LRMDA: variants seen among roughly 807,000 people sequenced by gnomAD.
LRMDA encodes leucine-rich melanocyte differentiation-associated protein.
In LRMDA, 18 loss-of-function variants were observed where a neutral mutation model predicts 29.8. That is an observed-to-expected ratio of 0.60 (90% CI 0.42 to 0.90). The LOEUF (loss-of-function observed/expected upper bound fraction) is 0.90, where lower values mean the gene tolerates loss of function less well. LRMDA is among the 40% of genes least tolerant of loss of function. The pLI, the probability that LRMDA is intolerant of heterozygous loss-of-function variation, is 0.00. For synonymous variants in LRMDA, 125 were observed against 109.4 expected (o/e 1.14, Z -0.89); for missense variants, 273 against 273.9 (o/e 1.00, Z 0.02).
At chr10:76,159,225 T>C (rs1403570094) in intron 5 of LRMDA, among the ~76,000 whole-genome samples, 4 of 152,198 alleles carry the variant, frequency 2.6e-5, no homozygotes, top group Non-Finnish European at 5.9e-5. Flanking sequence ...AGAGTTGTGC[T>C]TGGTGTATGG....
At chr10:76,250,260 T>C (rs1053465581) in intron 5 of LRMDA, among the ~76,000 whole-genome samples, 14 of 152,326 alleles carry the variant, frequency 9.2e-5, no homozygotes, top group African/African-American at 3.4e-4. Context: ...AGATGTATCC[T>C]GGAAAAAATT....
chr10:75,822,491 C>T (rs1252770477), intron 2 of LRMDA, among the ~76,000 whole-genome samples: 3 of 151,906 alleles, frequency 2.0e-5, no homozygotes, highest in Non-Finnish European at 4.4e-5. Flanking sequence ...CCAAAAAAAG[C>T]CTGAATAGCC....
At chr10:75,677,578 A>C (rs1344827086) in intron 2 of LRMDA, among the ~76,000 whole-genome samples, 2 of 152,180 alleles carry the variant, frequency 1.3e-5, no homozygotes. Context: ...ATGGGAACTG[A>C]AGACTTTTTA....
intron 5 of LRMDA, among the ~76,000 whole-genome samples, chr10:76,077,367 C>T (rs916818500): frequency 3.3e-5 from 5 of 152,180 alleles, no homozygotes; most frequent in Non-Finnish European, 7.4e-5. Flanking sequence ...AGCTGGAGAT[C>T]TTCAAGCTAT....
At chr10:75,763,304 TAGGTAAAGATAGAACTAC>T (rs919122363) in intron 2 of LRMDA, among the ~76,000 whole-genome samples, 52 of 152,274 alleles carry the variant, frequency 3.4e-4, no homozygotes, top group African/African-American at 1.2e-3. Context: ...AATATAAATG[TAGGTAAAGATAGAACTAC>T]AGGTATAATA....
intron 6 of LRMDA, among the ~76,000 whole-genome samples, chr10:76,347,631 G>GT (rs1841125298): frequency 1.3e-5 from 2 of 152,112 alleles, no homozygotes; most frequent in South Asian, 4.1e-4. Flanking sequence ...AAATCACCGA[G>GT]TGCAGCACTG....
At chr10:76,510,217 T>C (rs1842996441) in intron 6 of LRMDA, among the ~76,000 whole-genome samples, 1 of 152,002 alleles carries the variant, frequency 6.6e-6, no homozygotes, top group Admixed American at 6.6e-5. Context: ...ACTACAAGCG[T>C]GTGCCACCAC....
At chr10:75,531,797 G>A in intron 2 of LRMDA, among the ~76,000 whole-genome samples, 1 of 152,114 alleles carries the variant, frequency 6.6e-6, no homozygotes, top group South Asian at 2.1e-4. Flanking sequence ...AGTGATGCTA[G>A]GTGCGGTGGC....
At chr10:75,449,529 CTT>C (rs5786173) in intron 2 of LRMDA, among the ~76,000 whole-genome samples, 5 of 146,054 alleles carry the variant, frequency 3.4e-5, no homozygotes, top group South Asian at 2.2e-4. Context: ...AAGTTTCCTT[CTT>C]TTTTTTTTTT....
intron 2 of LRMDA, among the ~76,000 whole-genome samples, chr10:75,875,363 G>A (rs1251619816): frequency 6.6e-6 from 1 of 152,202 alleles, no homozygotes; most frequent in East Asian, 1.9e-4. Context: ...GTTTGGAGAA[G>A]GATGAGAGGC....
At chr10:75,549,509 T>A (rs1170389136) in intron 2 of LRMDA, among the ~76,000 whole-genome samples, 6 of 152,130 alleles carry the variant, frequency 3.9e-5, no homozygotes, top group Non-Finnish European at 8.8e-5. Flanking sequence ...TCTAGGTTAT[T>A]CACAGGCACA....
intron 5 of LRMDA, among the ~76,000 whole-genome samples, chr10:76,175,388 A>G (rs1447031427): frequency 6.6e-6 from 1 of 152,198 alleles, no homozygotes; most frequent in Non-Finnish European, 1.5e-5. Context: ...GTTGTGTTGT[A>G]GTGAAGTTCT....
intron 5 of LRMDA, among the ~76,000 whole-genome samples, chr10:76,070,034 G>A (rs1848850290): frequency 6.6e-6 from 1 of 152,176 alleles, no homozygotes; most frequent in Admixed American, 6.5e-5. Context: ...TCTACCTCCT[G>A]TTATTGGTTG....
chr10:75,457,676 A>G (rs1844536344), intron 2 of LRMDA, among the ~76,000 whole-genome samples: 1 of 152,204 alleles, frequency 6.6e-6, no homozygotes, highest in Non-Finnish European at 1.5e-5. Context: ...TTTATGGACC[A>G]CCAGTTTTTG....
chr10:76,395,219 A>T (rs1168544488), intron 6 of LRMDA, among the ~76,000 whole-genome samples: 2 of 152,320 alleles, frequency 1.3e-5, no homozygotes, highest in East Asian at 1.9e-4. Context: ...CCATATTTCT[A>T]GTCCTCCCTC....
intron 2 of LRMDA, among the ~76,000 whole-genome samples, chr10:75,549,693 A>G (rs1286606262): frequency 6.6e-6 from 1 of 152,182 alleles, no homozygotes; most frequent in Non-Finnish European, 1.5e-5. Context: ...AAGTGCACAG[A>G]TGATTTTTGA....
At chr10:75,938,915 C>T (rs966309057) in intron 2 of LRMDA, among the ~76,000 whole-genome samples, 14 of 152,166 alleles carry the variant, frequency 9.2e-5, no homozygotes, top group African/African-American at 3.4e-4. Flanking sequence ...GCAATCCTAA[C>T]AAATATTGAT....
At chr10:75,754,107 C>G (rs892934849) in intron 2 of LRMDA, among the ~76,000 whole-genome samples, 2 of 152,182 alleles carry the variant, frequency 1.3e-5, no homozygotes, top group Non-Finnish European at 2.9e-5. Context: ...TCCAGCCAGC[C>G]CTGCCCAGGG....
At chr10:75,868,615 G>T (rs543060774) in intron 2 of LRMDA, among the ~76,000 whole-genome samples, 1 of 152,312 alleles carries the variant, frequency 6.6e-6, no homozygotes, top group African/African-American at 2.4e-5. Flanking sequence ...GTAAAGAAAA[G>T]ATACTCTTGT....
Sources: gnomAD v4.1 joint callset for allele counts (sites outside exome capture counted in the v4.1 genomes callset) on GRCh38, gnomAD v4.1.1 for gene constraint, MANE v1.5 for transcripts, NCBI Gene and HGNC (gene_info 2026-07-23, HGNC 2026-07-21) for gene names.